FAM178B: variants seen among roughly 807,000 people sequenced by gnomAD.
The protein encoded by FAM178B is protein FAM178B.
A neutral mutation model predicts 91.7 loss-of-function variants in FAM178B; 82 were observed. The observed-to-expected ratio is 0.89, with a 90% CI of 0.75 to 1.07. The LOEUF (loss-of-function observed/expected upper bound fraction) is 1.07, where lower values mean the gene tolerates loss of function less well. Ranked by LOEUF, FAM178B falls within the 50% of genes least tolerant of loss-of-function variation. FAM178B has a pLI of 0.00. For synonymous variants in FAM178B, 368 were observed against 359.4 expected (o/e 1.02, Z -0.27); for missense variants, 769 against 846.7 (o/e 0.91, Z 1.14).
At chr2:96,896,637 C>T (rs2080829282) in intron 13 of FAM178B, among the ~76,000 whole-genome samples, 1 of 152,178 alleles carries the variant, frequency 6.6e-6, no homozygotes, top group Non-Finnish European at 1.5e-5. Flanking sequence ...AGAGAAGCAA[C>T]TGGCCACACA....
At chr2:96,936,739 G>A (rs1218640119) in intron 8 of FAM178B, among the ~76,000 whole-genome samples, 1 of 151,572 alleles carries the variant, frequency 6.6e-6, no homozygotes, top group Non-Finnish European at 1.5e-5. Flanking sequence ...TCGAACTCCT[G>A]ACTTCAGGTG....
At chr2:96,908,884 G>A (rs1200808065) in intron 12 of FAM178B, among the ~76,000 whole-genome samples, 5 of 151,794 alleles carry the variant, frequency 3.3e-5, no homozygotes, top group African/African-American at 7.3e-5. Context: ...AGTGGCTCTC[G>A]CCTGTAACCC....
chr2:96,909,154 AAAAAAAG>A (rs1249064828), intron 12 of FAM178B, among the ~76,000 whole-genome samples: 65 of 117,678 alleles, frequency 5.5e-4, no homozygotes, highest in South Asian at 2.6e-3. Flanking sequence ...AAAAAAAAAA[AAAAAAAG>A]AAAAAAGAAA....
chr2:96,978,791 A>T (rs567701278), intron 1 of FAM178B, among the ~76,000 whole-genome samples: 6 of 151,182 alleles, frequency 4.0e-5, no homozygotes, highest in Admixed American at 1.3e-4. Context: ...CGCCCGGCTA[A>T]TTTTTTCGTA....
intron 5 of FAM178B, among the ~76,000 whole-genome samples, chr2:96,963,910 G>A (rs560328853): frequency 1.3e-5 from 2 of 152,218 alleles, no homozygotes; most frequent in South Asian, 2.1e-4. Flanking sequence ...GGTGGCTCAC[G>A]CCTGTAATCC....
chr2:96,923,413 C>T (rs2081379403), intron 10 of FAM178B, 77 bp downstream of exon 10: 1 of 1,141,256 alleles, frequency 8.8e-7, no homozygotes, highest in African/African-American at 1.5e-5. Flanking sequence ...CTCCGTGATG[C>T]TCCTGGAATT....
At chr2:96,934,077 A>G (rs2081586319) in intron 8 of FAM178B, among the ~76,000 whole-genome samples, 1 of 152,274 alleles carries the variant, frequency 6.6e-6, no homozygotes, top group African/African-American at 2.4e-5. Context: ...AATGGCAAGC[A>G]AACACCAGGT....
intron 6 of FAM178B, among the ~76,000 whole-genome samples, chr2:96,958,885 T>C (rs975283900): frequency 6.6e-6 from 1 of 151,862 alleles, no homozygotes; most frequent in Non-Finnish European, 1.5e-5. Flanking sequence ...AAATTTTCTG[T>C]GTCTGAGGAT....
intron 12 of FAM178B, among the ~76,000 whole-genome samples, chr2:96,913,964 C>T (rs1031478010): frequency 7.9e-5 from 12 of 152,198 alleles, no homozygotes; most frequent in African/African-American, 2.9e-4. Flanking sequence ...AAGCCCACAC[C>T]CCCCGCAAAC....
At chr2:96,916,232 C>T (rs1206545280) in intron 12 of FAM178B, among the ~76,000 whole-genome samples, 1 of 152,166 alleles carries the variant, frequency 6.6e-6, no homozygotes, top group African/African-American at 2.4e-5. Flanking sequence ...GACTACTGAC[C>T]GCATCTCATG....
At chr2:96,909,482 G>C (rs2153369927) in intron 12 of FAM178B, among the ~76,000 whole-genome samples, 1 of 152,288 alleles carries the variant, frequency 6.6e-6, no homozygotes, top group East Asian at 1.9e-4. Flanking sequence ...CCTTCCTGCA[G>C]GTGCCACAGC....
intron 12 of FAM178B, among the ~76,000 whole-genome samples, 163 bp from the exon 13 acceptor site, chr2:96,902,870 G>A (rs2080960655): frequency 6.6e-6 from 1 of 152,198 alleles, no homozygotes; most frequent in Admixed American, 6.5e-5. Context: ...TGTATTCTAG[G>A]AGGAATGAAA....
At chr2:96,891,535 G>A (rs1482902076) in intron 14 of FAM178B, among the ~76,000 whole-genome samples, 1 of 143,796 alleles carries the variant, frequency 7.0e-6, no homozygotes, top group Non-Finnish European at 1.5e-5. Flanking sequence ...TTCACCTAGT[G>A]CCAAATGTGG....
At chr2:96,905,360 C>T (rs1041298608) in intron 12 of FAM178B, among the ~76,000 whole-genome samples, 1 of 151,868 alleles carries the variant, frequency 6.6e-6, no homozygotes, top group Non-Finnish European at 1.5e-5. Context: ...GAATTCAAGA[C>T]CAGCTGGGCC....
intron 5 of FAM178B, among the ~76,000 whole-genome samples, chr2:96,960,855 A>C (rs563772349): frequency 7.2e-5 from 11 of 152,276 alleles, no homozygotes; most frequent in African/African-American, 2.6e-4. Context: ...ATAAGGGCCC[A>C]GGAGAGGAGC....
chr2:96,898,148 G>A, intron 13 of FAM178B: 5 of 980,184 alleles, frequency 5.1e-6, no homozygotes, highest in South Asian at 9.4e-5. Flanking sequence ...CTTTTACAGT[G>A]AATCGATTGA....
chr2:96,928,261 C>T (rs1362295413), intron 9 of FAM178B, among the ~76,000 whole-genome samples: 1 of 152,190 alleles, frequency 6.6e-6, no homozygotes, highest in Non-Finnish European at 1.5e-5. Context: ...TCAAAACACT[C>T]TGTTCCATCT....
intron 14 of FAM178B, among the ~76,000 whole-genome samples, chr2:96,884,367 G>A (rs538216806): frequency 2.0e-5 from 3 of 152,328 alleles, no homozygotes; most frequent in African/African-American, 7.2e-5. Context: ...ATCCCCCTTG[G>A]GAAACAGCAA....
intron 12 of FAM178B, among the ~76,000 whole-genome samples, chr2:96,908,888 G>A (rs973535134): frequency 6.6e-6 from 1 of 152,168 alleles, no homozygotes; most frequent in Non-Finnish European, 1.5e-5. Context: ...GCTCTCGCCT[G>A]TAACCCCAGC....
Sources: gnomAD v4.1 joint callset for allele counts (sites outside exome capture counted in the v4.1 genomes callset) on GRCh38, gnomAD v4.1.1 for gene constraint, MANE v1.5 for transcripts, NCBI Gene and HGNC (gene_info 2026-07-23, HGNC 2026-07-21) for gene names.